The following TEK variants were observed in gnomAD, a reference collection of about 807,000 sequenced individuals.
TEK encodes angiopoietin-1 receptor.
A neutral mutation model predicts 131.8 loss-of-function variants in TEK; 43 were observed. That is an observed-to-expected ratio of 0.33 (90% CI 0.26 to 0.42). The LOEUF is 0.42. Among genes scored for constraint, TEK ranks in the 10% least tolerant of loss-of-function variants. TEK has a pLI of 1.00. For synonymous variants in TEK, 580 were observed against 491.6 expected (o/e 1.18, Z -2.38); for missense variants, 1,162 against 1,384.4 (o/e 0.84, Z 2.55).
intron 11 of TEK, chr9:27,195,555 A>G (rs1824975221): frequency 2.3e-6 from 1 of 441,924 alleles, no homozygotes; most frequent in Admixed American, 2.4e-5. Flanking sequence ...TTGTGTCCCT[A>G]CTGAGAATGC....
intron 1 of TEK, among the ~76,000 whole-genome samples, chr9:27,130,697 C>T (rs1203681710): frequency 2.0e-5 from 3 of 149,690 alleles, no homozygotes; most frequent in African/African-American, 7.4e-5. Flanking sequence ...CTGCCTCAGC[C>T]TCCTGAGTAG....
At chr9:27,202,592 C>G (rs1289850194) in intron 12 of TEK, among the ~76,000 whole-genome samples, 1 of 152,182 alleles carries the variant, frequency 6.6e-6, no homozygotes, top group Admixed American at 6.5e-5. Flanking sequence ...CTAAGGCCTT[C>G]ATTTAGTGTC....
At position 27,218,840 on chromosome 9, in the gene TEK, C is replaced by G. The variant is rs576045451; in HGVS notation, c.3103+23C>G. The G allele has an allele frequency of 2.9e-4, 462 of 1,612,302 alleles. 3 individuals carry two copies. In the South Asian group the frequency reaches 4.5e-3, roughly 16 times the overall value. The stretch of plus-strand genomic sequence containing the variant: ...TAGGTGAGTATCTATGTTTATCTAC[C>G]AGGTGAGACTCTAGGCAAAGTGAGT... On this transcript the variant is annotated intron_variant, in intron 20 of 22. Transcript: ENST00000380036.
intron 2 of TEK, 27 bp from the exon 3 acceptor site, chr9:27,168,468 T>C (rs1187963807): frequency 1.3e-6 from 2 of 1,564,158 alleles, no homozygotes; most frequent in African/African-American, 2.7e-5. Context: ...ATCCCATTTT[T>C]GGTATTTGTT....
chr9:27,201,006 T>G (rs1277465858), intron 12 of TEK, among the ~76,000 whole-genome samples: 1 of 152,194 alleles, frequency 6.6e-6, no homozygotes, highest in Non-Finnish European at 1.5e-5. Flanking sequence ...ACTTGTCTCT[T>G]TGGATGGGCG....
chr9:27,199,524 G>T (rs1422035865), intron 12 of TEK, among the ~76,000 whole-genome samples: 1 of 152,090 alleles, frequency 6.6e-6, no homozygotes, highest in Non-Finnish European at 1.5e-5. Flanking sequence ...TATATCACTC[G>T]ATAGTGTCAC....
chr9:27,228,450 C>T (rs755513752), intron 22 of TEK, 145 bp downstream of exon 22: 104 of 681,820 alleles, frequency 1.5e-4, no homozygotes, highest in Non-Finnish European at 2.1e-4. Context: ...CCTCCACCCC[C>T]GCGACTTTGA....
rs1193419868 is a variant in TEK at position 27,190,604 on chromosome 9, A to G, written c.1403A>G (p.Glu468Gly). 6.2e-7 allele frequency: 1 copy of G among 1,614,040 alleles called. No individual in the cohort carries two copies. The highest frequency in any genetic ancestry group is 1.7e-5 in the Admixed American group (1 of 60,000). The change falls in exon 10 of 23, where the codon GAG (glutamate) becomes GGG (glycine). Residue 468 changes from glutamate (E) to glycine (G), a missense_variant. By Grantham distance (98) the Glu-to-Gly change is moderately conservative. Coordinates refer to ENST00000380036, the MANE Select transcript of TEK (RefSeq NM_000459.5). ...HNFAVINISS[E>G]PYFGDGPIKS... is the part of the protein sequence containing the mutation. ...TTTGCTGTCATCAACATCAGCTCTG[A>G]GCCTTACTTTGGGGATGGACCAATC...
intron 21 of TEK, among the ~76,000 whole-genome samples, chr9:27,224,510 A>T (rs1826226859): frequency 6.6e-6 from 1 of 152,190 alleles, no homozygotes; most frequent in South Asian, 2.1e-4. Context: ...GAAAAAAACC[A>T]CATGTATCTC....
intron 2 of TEK, 125 bp downstream of exon 2, chr9:27,158,267 C>G: frequency 8.7e-7 from 1 of 1,146,794 alleles, no homozygotes; most frequent in Non-Finnish European, 1.3e-6. Flanking sequence ...ACGATCTTGC[C>G]TGTCTCTTTC....
In TEK at chr9:27,229,184, G is replaced by C. The variant is rs756265363; in HGVS notation, c.3327G>C (p.Glu1109Asp). The C allele has an allele frequency of 6.2e-7, 1 of 1,613,872 alleles. No individual in the cohort carries two copies. The highest frequency in any genetic ancestry group is 2.2e-5 in the East Asian group (1 of 44,880). The part of the protein sequence containing the change: ...RKTYVNTTLY[E>D]KFTYAGIDCS... Reference sequence around the variant, plus strand: ...CCTACGTGAATACCACGCTTTATGAGAAGTTTACTTATGCAGGAATTGACT... The same window carrying C: ...CCTACGTGAATACCACGCTTTATGACAAGTTTACTTATGCAGGAATTGACT... Residue 1109 changes from glutamate (E) to aspartate (D), a missense_variant, in exon 23 of 23, where the codon GAG (glutamate) becomes GAC (aspartate). Physicochemically the swap from Glu to Asp is conservative, Grantham distance 45. Coordinates refer to ENST00000380036, the MANE Select transcript of TEK (RefSeq NM_000459.5).
intron 2 of TEK, among the ~76,000 whole-genome samples, chr9:27,161,347 A>G (rs1823540862): frequency 6.6e-6 from 1 of 152,262 alleles, no homozygotes; most frequent in Non-Finnish European, 1.5e-5. Context: ...CTCATTTATC[A>G]TCATCTGTGA....
chr9:27,205,690 C>T (rs1280001936), intron 14 of TEK, among the ~76,000 whole-genome samples: 1 of 152,062 alleles, frequency 6.6e-6, no homozygotes, highest in African/African-American at 2.4e-5. Flanking sequence ...TCACACTTTA[C>T]CAAGAGGCAT....
chr9:27,224,187 G>A (rs1375322291), intron 21 of TEK, among the ~76,000 whole-genome samples: 4 of 152,164 alleles, frequency 2.6e-5, no homozygotes, highest in Non-Finnish European at 5.9e-5. Context: ...CAGGTACAAA[G>A]AGGAGCTGGT....
At chr9:27,136,525 C>T (rs1396909754) in intron 1 of TEK, among the ~76,000 whole-genome samples, 6 of 152,280 alleles carry the variant, frequency 3.9e-5, no homozygotes, top group African/African-American at 1.2e-4. Context: ...AAACTAAGAA[C>T]GGGAGCAATT....
chr9:27,182,313 A>C (rs1479216605), intron 7 of TEK, among the ~76,000 whole-genome samples: 2 of 152,168 alleles, frequency 1.3e-5, no homozygotes, highest in Non-Finnish European at 2.9e-5. Flanking sequence ...CCAGCTTCAG[A>C]AAATACAAGG....
chr9:27,206,932 C>A, intron 15 of TEK, 140 bp downstream of exon 15: 2 of 955,218 alleles, frequency 2.1e-6, no homozygotes, highest in Non-Finnish European at 3.2e-6. Flanking sequence ...GAAGGTTATG[C>A]TTCCTTTGAA....
intron 21 of TEK, among the ~76,000 whole-genome samples, chr9:27,221,189 T>C (rs1243587528): frequency 1.3e-5 from 2 of 152,166 alleles, no homozygotes; most frequent in Non-Finnish European, 2.9e-5. Flanking sequence ...CCGCCGCTCC[T>C]CAAAGCCACT....
At position 27,154,543 on chromosome 9, in the gene TEK, G is replaced by A. The variant is rs139829648; in HGVS notation, c.53-3288G>A. ...TGTGCCCCAACTACCCAGTTCCCCC[G>A]AATAGGTCATCGTTGTTCTTCTTTT... On this transcript the variant is annotated intron_variant, in intron 1 of 22. Transcript: ENST00000380036. Among the ~76,000 whole-genome samples, 14 of 152,292 alleles carry A rather than the reference G, an allele frequency of 9.2e-5. No homozygotes were observed. In the East Asian group the frequency reaches 1.7e-3, roughly 19 times the overall value.
Sources: gnomAD v4.1 joint callset for allele counts (sites outside exome capture counted in the v4.1 genomes callset) on GRCh38, gnomAD v4.1.1 for gene constraint, MANE v1.5 for transcripts, NCBI Gene and HGNC (gene_info 2026-07-23, HGNC 2026-07-21) for gene names.